ARMC9: variants seen among roughly 807,000 people sequenced by gnomAD.
ARMC9 encodes lisH domain-containing protein ARMC9.
A neutral mutation model predicts 107.0 loss-of-function variants in ARMC9; 94 were observed. That is an observed-to-expected ratio of 0.88 (90% CI 0.74 to 1.04). The LOEUF (loss-of-function observed/expected upper bound fraction) is 1.04, where lower values mean the gene tolerates loss of function less well. Among genes scored for constraint, ARMC9 ranks in the 50% least tolerant of loss-of-function variants. ARMC9 has a pLI of 0.00. For missense variants in ARMC9, 942 were observed against 1,030.1 expected, an observed-to-expected ratio of 0.91 and a Z score of 1.17; for synonymous variants, 380 against 396.9, an observed-to-expected ratio of 0.96 and a Z score of 0.51.
chr2:231,227,937 A>C (rs2034807322), intron 7 of ARMC9, among the ~76,000 whole-genome samples: 1 of 152,276 alleles, frequency 6.6e-6, no homozygotes, highest in Non-Finnish European at 1.5e-5. Flanking sequence ...GGCTACAGAT[A>C]CGGCCCCATG....
chr2:231,209,211 G>A (rs900803366), intron 3 of ARMC9, among the ~76,000 whole-genome samples: 2 of 151,788 alleles, frequency 1.3e-5, no homozygotes, highest in Non-Finnish European at 2.9e-5. Flanking sequence ...CCAGAACCTC[G>A]TTTCTATAAA....
At chr2:231,203,725 C>T (rs1188915626) in intron 1 of ARMC9, among the ~76,000 whole-genome samples, 42 of 151,992 alleles carry the variant, frequency 2.8e-4, no homozygotes, top group Non-Finnish European at 5.6e-4. Flanking sequence ...TTTGGGAGGC[C>T]GAGGCAGGTG....
chr2:231,208,964 C>T (rs898276670), intron 3 of ARMC9, among the ~76,000 whole-genome samples: 3 of 151,662 alleles, frequency 2.0e-5, no homozygotes, highest in Admixed American at 2.0e-4. Flanking sequence ...TGCGGTGGTA[C>T]GATCTCGGCT....
At chr2:231,371,211 A>G (rs2046007726) in intron 24 of ARMC9, among the ~76,000 whole-genome samples, 1 of 152,250 alleles carries the variant, frequency 6.6e-6, no homozygotes, top group Admixed American at 6.5e-5. Flanking sequence ...CCCCACATCT[A>G]GCAGCATAGC....
chr2:231,204,788 C>T (rs2031708148), intron 1 of ARMC9, among the ~76,000 whole-genome samples: 1 of 152,102 alleles, frequency 6.6e-6, no homozygotes, highest in Admixed American at 6.5e-5. Flanking sequence ...CCAGAGTTCA[C>T]GAGGGCAGGC....
At position 231,222,149 on chromosome 2, in the gene ARMC9, A is replaced by G. The variant is rs970287314; in HGVS notation, c.505-579A>G. ...ATTGTTACTTGTTATGTTTTTTCTT[A>G]TTTAAGTCATTAATTTTTTCTTCTT... On this transcript the variant is annotated intron_variant, in intron 5 of 24. Coordinates refer to ENST00000611582, the MANE Select transcript of ARMC9 (RefSeq NM_001352754.2). Among the ~76,000 whole-genome samples, 15 of 152,182 alleles carry G rather than the reference A, an allele frequency of 9.9e-5. 1 individual carries two copies. The highest frequency in any genetic ancestry group is 9.8e-4 in the Admixed American group (15 of 15,284).
Position 231,208,214 on chromosome 2 carries a change from G to A in ARMC9, c.139G>A (p.Gly47Ser), listed in dbSNP as rs1185555445. 6.2e-7 allele frequency: 1 copy of A among 1,610,878 alleles called. No individual in the cohort carries two copies. Among genetic ancestry groups the A allele is most frequent in the African/African-American group, 1.3e-5 (1 of 74,774 alleles). ...AGGAAAACCATTGTGTAAAACAGTA[G>A]GCGGATCTTTCAGAGACTCCAAATC... ...IKGKPLCKTV[G>S]GSFRDSKSLT... Residue 47 changes from glycine (G) to serine (S), a missense_variant, in exon 3 of 25, where the codon GGC (glycine) becomes AGC (serine). By Grantham distance (56) the Gly-to-Ser change is moderately conservative. Transcript: ENST00000611582.
chr2:231,225,208 G>A (rs1245165469), intron 6 of ARMC9, among the ~76,000 whole-genome samples: 2 of 152,114 alleles, frequency 1.3e-5, no homozygotes, highest in Non-Finnish European at 2.9e-5. Flanking sequence ...ATATTTCTAT[G>A]CATTTTTATC....
At chr2:231,218,870 G>A (rs1263122276) in intron 5 of ARMC9, among the ~76,000 whole-genome samples, 1 of 151,802 alleles carries the variant, frequency 6.6e-6, no homozygotes, top group African/African-American at 2.4e-5. Flanking sequence ...TCCTGCCTCA[G>A]GCTCCTGAGT....
At chr2:231,254,261 A>G (rs561496050) in intron 9 of ARMC9, among the ~76,000 whole-genome samples, 26 of 152,336 alleles carry the variant, frequency 1.7e-4, no homozygotes, top group African/African-American at 6.0e-4. Context: ...CATGAAAACA[A>G]TCTGGTATCA....
chr2:231,342,661 G>A (rs547638758), intron 20 of ARMC9, among the ~76,000 whole-genome samples: 2 of 152,260 alleles, frequency 1.3e-5, no homozygotes, highest in South Asian at 4.2e-4. Context: ...CTCCTGGATC[G>A]GGGAAGTGGG....
rs1440812908 is a variant in ARMC9 at position 231,362,495 on chromosome 2, A to G, written c.2261+1612A>G. On this transcript the variant is annotated intron_variant, in intron 23 of 24. Coordinates refer to ENST00000611582, the MANE Select transcript of ARMC9 (RefSeq NM_001352754.2). The surrounding 1 kb of genome is among the most constrained non-coding windows in gnomAD (Gnocchi z 4.7). The stretch of plus-strand genomic sequence containing the variant: ...AGCCGACCCTGAGGGACCTCATTAC[A>G]TCAAGCAGCGTTGCCTAGCTGGCCC... 6.6e-6 allele frequency among the ~76,000 whole-genome samples: 1 copy of G among 151,960 alleles called. No homozygotes were observed. Among genetic ancestry groups the G allele is most frequent in the Non-Finnish European group, 1.5e-5 (1 of 67,996 alleles).
chr2:231,221,455 C>T (rs2125331766), intron 5 of ARMC9, among the ~76,000 whole-genome samples: 1 of 152,258 alleles, frequency 6.6e-6, no homozygotes, highest in Non-Finnish European at 1.5e-5. Flanking sequence ...TGAGGGAACA[C>T]AGTTCAATCC....
At chr2:231,213,868 A>G (rs1448439759) in intron 3 of ARMC9, among the ~76,000 whole-genome samples, 1 of 152,234 alleles carries the variant, frequency 6.6e-6, no homozygotes, top group Admixed American at 6.5e-5. Context: ...TAGAAAATCC[A>G]ATCTCAGAAA....
chr2:231,241,258 A>G (rs939365428), intron 9 of ARMC9, among the ~76,000 whole-genome samples: 1 of 152,018 alleles, frequency 6.6e-6, no homozygotes, highest in Non-Finnish European at 1.5e-5. Flanking sequence ...CCTTATAATT[A>G]GATTCGGGTT....
At chr2:231,345,995 C>G (rs528836740) in intron 21 of ARMC9, among the ~76,000 whole-genome samples, 1 of 152,306 alleles carries the variant, frequency 6.6e-6, no homozygotes, top group Non-Finnish European at 1.5e-5. Context: ...CAAGACAGAC[C>G]CAGCTCCTTG....
intron 19 of ARMC9, among the ~76,000 whole-genome samples, chr2:231,299,182 T>TA (rs921880836): frequency 6.6e-6 from 1 of 151,872 alleles, no homozygotes; most frequent in Non-Finnish European, 1.5e-5. Context: ...ACTAAAATTT[T>TA]AAAAAAAATA....
At chr2:231,315,755 G>A (rs140837638) in intron 19 of ARMC9, among the ~76,000 whole-genome samples, 5 of 152,052 alleles carry the variant, frequency 3.3e-5, no homozygotes, top group East Asian at 3.9e-4. Context: ...TAATTGATAC[G>A]GTTGGGTTTA....
chr2:231,234,867 A>G (rs1229566047), intron 7 of ARMC9, among the ~76,000 whole-genome samples: 2 of 152,226 alleles, frequency 1.3e-5, no homozygotes, highest in African/African-American at 4.8e-5. Flanking sequence ...CGGCCTCCCA[A>G]AGTGTTGGGA....
Sources: gnomAD v4.1 joint callset for allele counts (sites outside exome capture counted in the v4.1 genomes callset) on GRCh38, gnomAD v4.1.1 for gene constraint, Gnocchi (gnomAD v3.1) non-coding constraint, MANE v1.5 for transcripts, NCBI Gene and HGNC (gene_info 2026-07-23, HGNC 2026-07-21) for gene names.